Variants in STPG2 observed in about 807,000 individuals in gnomAD.
STPG2 encodes the protein sperm-tail PG-rich repeat-containing protein 2.
A neutral mutation model predicts 54.2 loss-of-function variants in STPG2; 56 were observed. That is an observed-to-expected ratio of 1.03 (90% CI 0.83 to 1.29). STPG2 has a LOEUF of 1.29. Ranked by LOEUF, STPG2 falls within the 50% of genes most tolerant of loss-of-function variation. STPG2 has a pLI of 0.00. For missense variants in STPG2, 596 were observed against 544.9 expected, an observed-to-expected ratio of 1.09 and a Z score of -0.93; for synonymous variants, 200 against 181.8, an observed-to-expected ratio of 1.10 and a Z score of -0.81.
In STPG2 at chr4:97,840,905, C is replaced by T. The variant is rs1341634911; in HGVS notation, c.1072G>A (p.Val358Ile). The change falls in exon 9 of 11, where the codon GTT becomes ATT. Residue 358 changes from valine to isoleucine, a missense_variant. Physicochemically the swap from Val to Ile is conservative, Grantham distance 29 (BLOSUM62 3). Coordinates refer to ENST00000295268, the MANE Select transcript of STPG2 (RefSeq NM_174952.3). ...TGGGACATCTCATATGATTTGTGAA[C>T]ATCATAGCTGCCTGGCGCTGGAATA... ...MVIPAPGSYD[V>I]HKSYEMSQVK... 1.2e-5 allele frequency: 19 copies of T among 1,611,488 alleles called. No individual in the cohort carries two copies. In the East Asian group the frequency reaches 4.0e-4, roughly 34 times the overall value.
rs79765838 is a variant in STPG2 at position 97,621,534 on chromosome 4, T to C, written c.1321-62417A>G. On this transcript the variant is annotated intron_variant, in intron 10 of 10. Coordinates refer to ENST00000295268, the MANE Select transcript of STPG2 (RefSeq NM_174952.3). ...ACACAAATTAGAAAACTAGAGAAAA[T>C]TGATAAATTCCTGGACACATACAAC... 1.5e-3 allele frequency among the ~76,000 whole-genome samples: 224 copies of C among 152,076 alleles called. 4 individuals are homozygous for C. The East Asian group carries it at 0.04, about 27-fold the overall frequency.
chr4:97,587,025 C>T (rs970063686), intron 10 of STPG2, among the ~76,000 whole-genome samples: 4 of 151,922 alleles, frequency 2.6e-5, no homozygotes, highest in Non-Finnish European at 5.9e-5. Context: ...TGGCAATTAT[C>T]AAAGTGGCTA....
intron 5 of STPG2, among the ~76,000 whole-genome samples, chr4:98,006,649 T>G (rs1008365176): frequency 6.6e-6 from 1 of 152,154 alleles, no homozygotes; most frequent in African/African-American, 2.4e-5. Flanking sequence ...GACACTGTAA[T>G]TGGACTCTAC....
chr4:97,912,827 C>G (rs1287290501), intron 8 of STPG2, among the ~76,000 whole-genome samples: 1 of 152,142 alleles, frequency 6.6e-6, no homozygotes, highest in Non-Finnish European at 1.5e-5. Flanking sequence ...CTAGATGATT[C>G]TAAGAAGCTT....
At chr4:97,659,411 A>C (rs917423612) in intron 10 of STPG2, among the ~76,000 whole-genome samples, 9 of 142,440 alleles carry the variant, frequency 6.3e-5, no homozygotes, top group Non-Finnish European at 1.1e-4. Context: ...CATTTACAAA[A>C]ATAGACTTTA....
At chr4:97,971,725 C>T (rs534755866) in intron 7 of STPG2, among the ~76,000 whole-genome samples, 8 of 152,004 alleles carry the variant, frequency 5.3e-5, no homozygotes, top group Admixed American at 4.6e-4. Flanking sequence ...TGCAGGAAAC[C>T]AACATGGAAC....
chr4:98,030,526 T>C lies in STPG2; in HGVS notation c.613-49208A>G, dbSNP rs1578797165. Reference sequence around the variant, plus strand: ...GTACCATTGACATTCTTCAGAGAACTAGGGAAAACTAAAATTCAGATGGAA... The same window carrying C: ...GTACCATTGACATTCTTCAGAGAACCAGGGAAAACTAAAATTCAGATGGAA... On this transcript the variant is annotated intron_variant, in intron 5 of 10. Coordinates refer to ENST00000295268, the MANE Select transcript of STPG2 (RefSeq NM_174952.3). Among the ~76,000 whole-genome samples, 6 of 152,118 alleles carry C rather than the reference T, an allele frequency of 3.9e-5. No homozygotes were observed. In the South Asian group the frequency reaches 1.2e-3, roughly 31 times the overall value.
chr4:97,972,868 C>A (rs888244434), intron 6 of STPG2, among the ~76,000 whole-genome samples: 5 of 152,216 alleles, frequency 3.3e-5, no homozygotes, highest in African/African-American at 1.2e-4. Context: ...ACATGCCTTT[C>A]ACCTTCTGCC....
intron 4 of STPG2, among the ~76,000 whole-genome samples, chr4:97,540,796 G>C (rs1343825874): frequency 1.3e-5 from 2 of 152,066 alleles, no homozygotes; most frequent in Non-Finnish European, 1.5e-5. Flanking sequence ...TCATTCCTGG[G>C]ATGGAAGGCT....
intron 8 of STPG2, among the ~76,000 whole-genome samples, chr4:97,873,733 T>C (rs928126705): frequency 2.0e-5 from 3 of 151,588 alleles, no homozygotes; most frequent in African/African-American, 7.2e-5. Flanking sequence ...AACAAAATCA[T>C]TCTACTCCAG....
intron 5 of STPG2, among the ~76,000 whole-genome samples, chr4:97,985,851 G>T (rs1191609254): frequency 6.6e-6 from 1 of 152,088 alleles, no homozygotes; most frequent in East Asian, 1.9e-4. Flanking sequence ...TGAAACCTGA[G>T]ATTTTATTTG....
chr4:97,619,954 G>A (rs1578429510), intron 10 of STPG2, among the ~76,000 whole-genome samples: 1 of 151,672 alleles, frequency 6.6e-6, no homozygotes, highest in South Asian at 2.1e-4. Context: ...TTCCCGAGTA[G>A]CTGGGACTAC....
chr4:97,942,470 A>G lies in STPG2; in HGVS notation c.1044+1427T>C, dbSNP rs141443188. Among the ~76,000 whole-genome samples the G allele has an allele frequency of 4.7e-3, 686 of 146,930 alleles. 5 individuals are homozygous for G. Among genetic ancestry groups the G allele is most frequent in the African/African-American group, 0.016 (657 of 40,380 alleles). The stretch of plus-strand genomic sequence containing the variant: ...ACTCAGAATCTACTACATGTAAAGA[A>G]TATTGCTAGATGATTTTAAACTGTC... On this transcript the variant is annotated intron_variant, in intron 8 of 10. Transcript: ENST00000295268.
At chr4:97,932,175 T>G (rs1456123379) in intron 8 of STPG2, among the ~76,000 whole-genome samples, 2 of 152,112 alleles carry the variant, frequency 1.3e-5, no homozygotes, top group African/African-American at 2.4e-5. Flanking sequence ...TTTTATTAAT[T>G]TTTTCAAAAA....
chr4:97,560,177 A>C (rs191022119), intron 10 of STPG2, among the ~76,000 whole-genome samples: 2 of 152,324 alleles, frequency 1.3e-5, no homozygotes, highest in Admixed American at 6.5e-5. Context: ...GATGAGTCTG[A>C]GTCAAAATTC....
chr4:97,905,714 TCA>T (rs1298114529), intron 8 of STPG2, among the ~76,000 whole-genome samples: 3 of 151,912 alleles, frequency 2.0e-5, no homozygotes, highest in African/African-American at 7.3e-5. Context: ...GAAACCCATC[TCA>T]CGTGCAGAGA....
intron 8 of STPG2, among the ~76,000 whole-genome samples, chr4:97,908,068 A>G (rs1731518019): frequency 6.6e-6 from 1 of 151,874 alleles, no homozygotes; most frequent in Non-Finnish European, 1.5e-5. Flanking sequence ...AACTACCATC[A>G]GAGTGAACAG....
At chr4:97,906,711 T>C (rs1297073569) in intron 8 of STPG2, among the ~76,000 whole-genome samples, 1 of 151,726 alleles carries the variant, frequency 6.6e-6, no homozygotes, top group Non-Finnish European at 1.5e-5. Context: ...GCTGGTTCAA[T>C]ATACACAAAT....
chr4:97,832,708 T>C (rs1227412015), intron 9 of STPG2, among the ~76,000 whole-genome samples: 2 of 152,140 alleles, frequency 1.3e-5, no homozygotes, highest in Non-Finnish European at 2.9e-5. Context: ...AGCATTCCTA[T>C]ACACCAATAA....
Sources: gnomAD v4.1 joint callset for allele counts (sites outside exome capture counted in the v4.1 genomes callset) on GRCh38, gnomAD v4.1.1 for gene constraint, MANE v1.5 for transcripts, NCBI Gene and HGNC (gene_info 2026-07-23, HGNC 2026-07-21) for gene names.